The following IDE variants were observed in gnomAD, a reference collection of about 807,000 sequenced individuals.
The protein encoded by IDE is insulin degrading enzyme.
In IDE, 58 loss-of-function variants were observed where a neutral mutation model predicts 133.2. That is an observed-to-expected ratio of 0.44 (90% confidence interval 0.35 to 0.54). IDE has a LOEUF of 0.54. IDE is among the 20% of genes least tolerant of loss of function. IDE has a pLI of 0.00. For missense variants in IDE, 981 were observed against 1,234.0 expected (o/e 0.79, Z 3.07); for synonymous variants, 396 against 421.3 (o/e 0.94, Z 0.73).
chr10:92,549,462 T>C (rs932808159), intron 1 of IDE, among the ~76,000 whole-genome samples: 18 of 151,930 alleles, frequency 1.2e-4, no homozygotes, highest in African/African-American at 4.3e-4. Context: ...TATCTCTCAA[T>C]CAATCAATCA....
intron 2 of IDE, 26 bp from the exon 3 acceptor site, chr10:92,534,811 A>G (rs776788283): frequency 4.5e-6 from 7 of 1,556,104 alleles, no homozygotes; most frequent in Non-Finnish European, 5.3e-6. Context: ...CGTATATAAT[A>G]AATCATTGTC....
At chr10:92,564,062 A>AG (rs1393103799) in intron 1 of IDE, among the ~76,000 whole-genome samples, 9 of 151,654 alleles carry the variant, frequency 5.9e-5, no homozygotes, top group African/African-American at 1.9e-4. Context: ...ACTAGGACCC[A>AG]GATCTATACT....
In IDE at chr10:92,455,632, C is replaced by T. The variant is rs761845335; in HGVS notation, c.2908G>A (p.Gly970Arg). ...AREMDSCPVV[G>R]EFPCQNDINL... The stretch of plus-strand genomic sequence containing the variant: ...ATGTCATTTTGACATGGGAACTCTC[C>T]AACAACAGGACCTATAAGAAAATAA... The change falls in exon 24 of 25, where the codon GGA (glycine) becomes AGA (arginine). Residue 970 changes from glycine to arginine, a missense_variant. Physicochemically the swap from Gly to Arg is moderately radical, Grantham distance 125. Transcript: ENST00000265986. 7.6e-6 allele frequency: 12 copies of T among 1,586,290 alleles called. No homozygotes were observed. In the East Asian group the frequency reaches 2.5e-4, roughly 33 times the overall value.
intron 11 of IDE, among the ~76,000 whole-genome samples, chr10:92,498,648 T>G (rs938615591): frequency 1.3e-5 from 2 of 152,118 alleles, no homozygotes; most frequent in African/African-American, 4.8e-5. Context: ...TCCCAGCTAC[T>G]CGGGAGGCTG....
chr10:92,540,652 G>GA (rs1158127244), intron 1 of IDE, among the ~76,000 whole-genome samples: 1 of 152,114 alleles, frequency 6.6e-6, no homozygotes, highest in Non-Finnish European at 1.5e-5. Flanking sequence ...ACAAATGACT[G>GA]AAATGTAATA....
chr10:92,495,174 C>T (rs1261392427), intron 11 of IDE, among the ~76,000 whole-genome samples: 1 of 150,584 alleles, frequency 6.6e-6, no homozygotes, highest in Non-Finnish European at 1.5e-5. Flanking sequence ...AGCGATTCTC[C>T]TGCCTCGGCT....
intron 1 of IDE, among the ~76,000 whole-genome samples, chr10:92,569,025 T>C (rs1017308454): frequency 6.6e-6 from 1 of 152,108 alleles, no homozygotes; most frequent in Admixed American, 6.6e-5. Context: ...AGAGGCAATA[T>C]ATAAACATCA....
chr10:92,534,066 G>A (rs1382272604), intron 3 of IDE, among the ~76,000 whole-genome samples: 1 of 151,894 alleles, frequency 6.6e-6, no homozygotes, highest in African/African-American at 2.4e-5. Flanking sequence ...TCATCCTAAT[G>A]GAGCTTGCTC....
At position 92,566,631 on chromosome 10, in the gene IDE, A is replaced by C. The variant is rs372864530; in HGVS notation, c.98+7291T>G. Among the ~76,000 whole-genome samples, 20 of 151,782 alleles carry C rather than the reference A, an allele frequency of 1.3e-4. 1 individual carries two copies. In the East Asian group the frequency reaches 3.1e-3, roughly 23 times the overall value. ...GGCTGGGAAGGGTAGTGGGTGGTTG[A>C]GGGCAGGTGGGGATGGTTAATGGGT... is the stretch of plus-strand genomic sequence containing the variant. On this transcript the variant is annotated intron_variant, in intron 1 of 24. Coordinates refer to ENST00000265986, the MANE Select transcript of IDE (RefSeq NM_004969.4).
intron 20 of IDE, among the ~76,000 whole-genome samples, chr10:92,465,194 T>G (rs981770187): frequency 5.9e-5 from 9 of 152,236 alleles, no homozygotes; most frequent in Admixed American, 5.9e-4. Context: ...TGGGGCTTCT[T>G]TGAGCTTCTT....
intron 17 of IDE, among the ~76,000 whole-genome samples, chr10:92,473,708 C>T (rs1216149439): frequency 3.9e-5 from 6 of 151,942 alleles, no homozygotes; most frequent in Non-Finnish European, 8.8e-5. Flanking sequence ...TGGCCGGTCG[C>T]GGTGGCTCAT....
intron 15 of IDE, among the ~76,000 whole-genome samples, chr10:92,477,576 G>A (rs1015343553): frequency 9.9e-5 from 15 of 152,212 alleles, no homozygotes; most frequent in Admixed American, 9.8e-4. Flanking sequence ...TATCACTGCA[G>A]CTAGAATATC....
intron 1 of IDE, among the ~76,000 whole-genome samples, chr10:92,572,192 C>G (rs370825310): frequency 6.6e-6 from 1 of 152,186 alleles, no homozygotes; most frequent in South Asian, 2.1e-4. Flanking sequence ...AAAATTGGTG[C>G]TTTCTTTAAA....
At chr10:92,527,756 C>G (rs1393447622) in intron 4 of IDE, among the ~76,000 whole-genome samples, 1 of 152,160 alleles carries the variant, frequency 6.6e-6, no homozygotes. Context: ...GTGGCTAATG[C>G]CTGTAATCCT....
chr10:92,462,666 G>A lies in IDE; in HGVS notation c.2761+1065C>T, dbSNP rs145202044. ...GGTAAGAGCCTTGGCTCAGGAGCCA[G>A]GCCAGCCTGGATTCACATCCTGGCT... On this transcript the variant is annotated intron_variant, in intron 21 of 24. Coordinates refer to ENST00000265986, the MANE Select transcript of IDE (RefSeq NM_004969.4). Among the ~76,000 whole-genome samples the A allele has an allele frequency of 6.6e-5, 10 of 152,314 alleles. No homozygotes were observed. The East Asian group carries it at 1.9e-3, about 29-fold the overall frequency.
intron 10 of IDE, 104 bp downstream of exon 10, chr10:92,506,338 A>T: frequency 1.9e-6 from 1 of 522,514 alleles, no homozygotes; most frequent in Non-Finnish European, 3.4e-6. Flanking sequence ...AAAGCTTTAT[A>T]CCTCAGCTTC....
intron 7 of IDE, among the ~76,000 whole-genome samples, 192 bp from the exon 8 acceptor site, chr10:92,508,397 T>A (rs1456757258): frequency 6.6e-6 from 1 of 151,930 alleles, no homozygotes; most frequent in Middle Eastern, 3.2e-3. Flanking sequence ...TCCTGAAGAT[T>A]CCTCAAATCA....
At chr10:92,507,068 G>A (rs980395541) in intron 9 of IDE, among the ~76,000 whole-genome samples, 4 of 151,068 alleles carry the variant, frequency 2.6e-5, no homozygotes, top group South Asian at 2.1e-4. Context: ...TTTTTAAAAG[G>A]CTTTTAAAAA....
chr10:92,508,903 A>C lies in IDE; in HGVS notation c.898-13T>G. The C allele has an allele frequency of 2.5e-6, 4 of 1,601,396 alleles. No individual in the cohort carries two copies. Among genetic ancestry groups the C allele is most frequent in the African/African-American group, 2.7e-5 (2 of 74,826 alleles). ...TTTTGTAAAGTTGCTGGAGAAAACA[A>C]ATCACAGAGATTAGCTATATACGAC... On this transcript the variant is annotated splice_polypyrimidine_tract_variant and intron_variant, in intron 6 of 24. Transcript: ENST00000265986.
Sources: allele counts gnomAD v4.1 joint callset (sites outside exome capture counted in the v4.1 genomes callset), GRCh38; gene constraint gnomAD v4.1.1; transcripts MANE v1.5; gene names NCBI Gene and HGNC (gene_info 2026-07-23, HGNC 2026-07-21).